The following SPIN1 variants were observed in gnomAD, a reference collection of about 807,000 sequenced individuals.
The protein encoded by SPIN1 is spindlin-1.
Under a neutral mutation model 26.0 loss-of-function variants are expected in SPIN1, and 3 were observed. The observed-to-expected ratio is 0.12, with a 90% confidence interval of 0.05 to 0.30. The LOEUF (loss-of-function observed/expected upper bound fraction) is 0.30. Ranked by LOEUF, SPIN1 falls within the 10% of genes least tolerant of loss-of-function variation. The pLI, the probability that SPIN1 is intolerant of heterozygous loss-of-function variation, is 1.00. For synonymous variants in SPIN1, 101 were observed against 116.5 expected (o/e 0.87, Z 0.86); for missense variants, 126 against 333.4 (o/e 0.38, Z 4.84).
intron 2 of SPIN1, among the ~76,000 whole-genome samples, chr9:88,437,730 T>C: frequency 6.6e-6 from 1 of 152,230 alleles, no homozygotes; most frequent in East Asian, 1.9e-4. Context: ...CATTGATTTT[T>C]CTCTATTGAT....
At chr9:88,458,610 T>C (rs1828519949) in intron 3 of SPIN1, among the ~76,000 whole-genome samples, 1 of 152,126 alleles carries the variant, frequency 6.6e-6, no homozygotes, top group Admixed American at 6.5e-5. Context: ...TCTGCTGTCA[T>C]AGGTCACGTT....
At chr9:88,393,889 C>A (rs1375973652) in intron 1 of SPIN1, among the ~76,000 whole-genome samples, 1 of 151,556 alleles carries the variant, frequency 6.6e-6, no homozygotes, top group Non-Finnish European at 1.5e-5. Context: ...GCTCTGTCAC[C>A]CAGGCTGGAG....
rs145119354 is a variant in SPIN1, at chr9:88,407,647, A to AT, written c.-158-18726dup. Among the ~76,000 whole-genome samples the AT allele has an allele frequency of 7.4e-3, 1,110 of 150,298 alleles. 16 individuals are homozygous for AT. Among genetic ancestry groups the AT allele is most frequent in the African/African-American group, 0.025 (1,032 of 40,942 alleles). ...GCAACATAGTGAGACCTCATCTCTA[A>AT]TTTTTTTTTAAATTAAAAAAAAGCT... On this transcript the variant is annotated intron_variant, in intron 1 of 5. Transcript: ENST00000375859.
At chr9:88,436,128 TCTAA>T (rs1214636368) in intron 2 of SPIN1, among the ~76,000 whole-genome samples, 4 of 152,268 alleles carry the variant, frequency 2.6e-5, no homozygotes, top group African/African-American at 9.6e-5. Context: ...AGAGGTGGGG[TCTAA>T]CTGTGTTGCC....
intron 2 of SPIN1, among the ~76,000 whole-genome samples, chr9:88,433,441 G>T (rs1564031300): frequency 6.6e-6 from 1 of 152,006 alleles, no homozygotes; most frequent in African/African-American, 2.4e-5. Flanking sequence ...GAGTTTCTTT[G>T]TGTCTCTGCT....
At chr9:88,401,216 A>G (rs559368158) in intron 1 of SPIN1, among the ~76,000 whole-genome samples, 10 of 152,338 alleles carry the variant, frequency 6.6e-5, no homozygotes, top group African/African-American at 2.4e-4. Context: ...CAAATACGTT[A>G]TGTTTAAGGT....
At chr9:88,474,397 G>T (rs1828848929) in intron 5 of SPIN1, among the ~76,000 whole-genome samples, 1 of 152,108 alleles carries the variant, frequency 6.6e-6, no homozygotes, top group Non-Finnish European at 1.5e-5. Flanking sequence ...CTTTTAAACA[G>T]TACAGATGCC....
chr9:88,444,533 G>A (rs555209366), intron 2 of SPIN1, among the ~76,000 whole-genome samples: 4 of 148,684 alleles, frequency 2.7e-5, no homozygotes, highest in Admixed American at 1.3e-4. Flanking sequence ...GTGAGCCACC[G>A]CGCCCGGCCC....
At chr9:88,406,717 C>T (rs1310304035) in intron 1 of SPIN1, among the ~76,000 whole-genome samples, 1 of 152,118 alleles carries the variant, frequency 6.6e-6, no homozygotes, top group Non-Finnish European at 1.5e-5. Flanking sequence ...GCCTATCAAA[C>T]CTGTTTTTTA....
At chr9:88,461,409 C>T (rs1034229767) in intron 3 of SPIN1, among the ~76,000 whole-genome samples, 2 of 152,160 alleles carry the variant, frequency 1.3e-5, no homozygotes, top group Admixed American at 1.3e-4. Flanking sequence ...TTCCCTTCTG[C>T]GGCGAGTACT....
chr9:88,420,406 G>GTT (rs1402904368), intron 1 of SPIN1, among the ~76,000 whole-genome samples: 4 of 152,100 alleles, frequency 2.6e-5, no homozygotes, highest in Non-Finnish European at 5.9e-5. Context: ...AAACAAAAGA[G>GTT]TTTTACTCAA....
intron 3 of SPIN1, among the ~76,000 whole-genome samples, chr9:88,455,451 C>T (rs373376802): frequency 2.0e-5 from 3 of 152,132 alleles, no homozygotes; most frequent in South Asian, 2.1e-4. Context: ...AGTGAAACTC[C>T]GTGTCAGAAA....
chr9:88,406,030 TG>T (rs1181400961), intron 1 of SPIN1, among the ~76,000 whole-genome samples: 2 of 146,996 alleles, frequency 1.4e-5, no homozygotes, highest in Non-Finnish European at 3.0e-5. Flanking sequence ...TGTGTGTGTG[TG>T]TGTGTGTGTG....
intron 2 of SPIN1, among the ~76,000 whole-genome samples, chr9:88,441,711 G>T (rs1472566041): frequency 1.3e-5 from 2 of 150,972 alleles, no homozygotes; most frequent in Non-Finnish European, 2.9e-5. Context: ...AGCCATAATC[G>T]CACCACCGCA....
chr9:88,461,019 C>G (rs1828568779), intron 3 of SPIN1, among the ~76,000 whole-genome samples: 1 of 152,234 alleles, frequency 6.6e-6, no homozygotes, highest in Admixed American at 6.5e-5. Context: ...TTTTCCTCCT[C>G]AAGATACTTT....
chr9:88,432,660 T>C (rs1304856094), intron 2 of SPIN1, among the ~76,000 whole-genome samples: 1 of 151,636 alleles, frequency 6.6e-6, no homozygotes, highest in African/African-American at 2.4e-5. Flanking sequence ...ATTTTTTCTT[T>C]TTTCTTTCAG....
At chr9:88,463,048 C>CAGTAGCTGAAAT (rs761962754) in intron 4 of SPIN1, among the ~76,000 whole-genome samples, 154 of 152,256 alleles carry the variant, frequency 1.0e-3, no homozygotes, top group Non-Finnish European at 1.8e-3. Context: ...GTAAGGTTAT[C>CAGTAGCTGAAAT]AGTAGCTGAA....
At chr9:88,434,356 A>ATTT (rs1301859373) in intron 2 of SPIN1, among the ~76,000 whole-genome samples, 41 of 135,450 alleles carry the variant, frequency 3.0e-4, no homozygotes, top group African/African-American at 1.4e-3. Flanking sequence ...TTATTTTATA[A>ATTT]ATTATAAAAT....
At chr9:88,423,726 A>AT (rs201525377) in intron 1 of SPIN1, among the ~76,000 whole-genome samples, 14,542 of 129,596 alleles carry the variant, frequency 0.11, 867 homozygotes, top group Middle Eastern at 0.25. Context: ...TACATCATGT[A>AT]TTTTTTTTTT....
Sources: allele counts gnomAD v4.1 joint callset (sites outside exome capture counted in the v4.1 genomes callset), GRCh38; gene constraint gnomAD v4.1.1; transcripts MANE v1.5; gene names NCBI Gene and HGNC (gene_info 2026-07-23, HGNC 2026-07-21).